Variants in ADAMTSL1 observed in about 807,000 individuals in gnomAD.
ADAMTSL1 encodes ADAMTS-like protein 1.
In ADAMTSL1, 126 loss-of-function variants were observed where a neutral mutation model predicts 201.8. That is an observed-to-expected ratio of 0.62 (90% CI 0.54 to 0.72). The LOEUF (loss-of-function observed/expected upper bound fraction) is 0.72. ADAMTSL1 is among the 30% of genes least tolerant of loss of function. The probability of loss-of-function intolerance (pLI) is 0.00; values close to 1 mark genes in which losing one functional copy is unlikely to be tolerated. For synonymous variants in ADAMTSL1, 1,121 were observed against 903.4 expected (o/e 1.24, Z -4.32); for missense variants, 2,679 against 2,277.8 (o/e 1.18, Z -3.59).
At chr9:18,136,741 C>T (rs1359858143) in intron 1 of ADAMTSL1, among the ~76,000 whole-genome samples, 2 of 152,084 alleles carry the variant, frequency 1.3e-5, no homozygotes, top group Non-Finnish European at 2.9e-5. Context: ...ATTTGGGCAG[C>T]AGCTGGGGTT....
intron 2 of ADAMTSL1, among the ~76,000 whole-genome samples, chr9:18,512,743 A>G (rs1201139758): frequency 7.2e-5 from 11 of 152,132 alleles, no homozygotes; most frequent in African/African-American, 2.4e-4. Flanking sequence ...TTTTATATGT[A>G]TTGTTATTTT....
intron 2 of ADAMTSL1, among the ~76,000 whole-genome samples, chr9:18,201,653 A>G (rs1348230390): frequency 6.6e-6 from 1 of 152,122 alleles, no homozygotes; most frequent in Non-Finnish European, 1.5e-5. Flanking sequence ...TAAATATAAA[A>G]CTAATAAAAG....
intron 2 of ADAMTSL1, among the ~76,000 whole-genome samples, chr9:18,247,432 T>C (rs1472708423): frequency 6.6e-6 from 1 of 152,200 alleles, no homozygotes; most frequent in Non-Finnish European, 1.5e-5. Context: ...TATTCAGAGC[T>C]AATGTTCCAG....
intron 19 of ADAMTSL1, among the ~76,000 whole-genome samples, chr9:18,780,563 T>C (rs1821336924): frequency 6.6e-6 from 1 of 152,136 alleles, no homozygotes; most frequent in South Asian, 2.1e-4. Context: ...ATAAAACAAT[T>C]CAAATATCTA....
intron 10 of ADAMTSL1, among the ~76,000 whole-genome samples, chr9:18,677,949 G>C (rs925608732): frequency 6.6e-6 from 1 of 151,930 alleles, no homozygotes; most frequent in Non-Finnish European, 1.5e-5. Flanking sequence ...GCTCAAAAAT[G>C]GTTCTCAAAT....
intron 26 of ADAMTSL1, among the ~76,000 whole-genome samples, chr9:18,895,835 C>A (rs897311323): frequency 6.6e-6 from 1 of 151,994 alleles, no homozygotes; most frequent in Non-Finnish European, 1.5e-5. Context: ...ACAAGCCATA[C>A]AAAGAAATGG....
At chr9:18,848,867 G>A (rs191536903) in intron 23 of ADAMTSL1, among the ~76,000 whole-genome samples, 1 of 152,216 alleles carries the variant, frequency 6.6e-6, no homozygotes, top group African/African-American at 2.4e-5. Flanking sequence ...ACAGAAACAG[G>A]ACTGGATTTT....
At chr9:18,665,113 A>G (rs567752509) in intron 9 of ADAMTSL1, among the ~76,000 whole-genome samples, 1 of 152,172 alleles carries the variant, frequency 6.6e-6, no homozygotes, top group East Asian at 1.9e-4. Context: ...CTAAGATTGC[A>G]AGGTAAGCTG....
chr9:18,657,519 G>A (rs2132980683), intron 7 of ADAMTSL1, 120 bp from the exon 8 acceptor site: 2 of 683,684 alleles, frequency 2.9e-6, no homozygotes, highest in Non-Finnish European at 2.6e-6. Flanking sequence ...TTCTCCCGCA[G>A]TGCAGTCCCT....
At chr9:18,243,987 A>G (rs1466853608) in intron 2 of ADAMTSL1, among the ~76,000 whole-genome samples, 1 of 152,032 alleles carries the variant, frequency 6.6e-6, no homozygotes, top group African/African-American at 2.4e-5. Context: ...TATGCATCCA[A>G]CCTCTGATAT....
intron 2 of ADAMTSL1, among the ~76,000 whole-genome samples, chr9:18,307,456 G>A (rs781665438): frequency 1.5e-4 from 23 of 152,074 alleles, no homozygotes; most frequent in South Asian, 1.0e-3. Flanking sequence ...CCCATCTCAC[G>A]TGCAAAGACA....
At chr9:18,156,021 G>A (rs1024699208) in intron 1 of ADAMTSL1, among the ~76,000 whole-genome samples, 2 of 152,006 alleles carry the variant, frequency 1.3e-5, no homozygotes, top group Non-Finnish European at 2.9e-5. Flanking sequence ...GGGTTGGAGA[G>A]GAAGAGTCTC....
At chr9:18,397,457 G>A (rs1817801217) in intron 2 of ADAMTSL1, among the ~76,000 whole-genome samples, 1 of 152,072 alleles carries the variant, frequency 6.6e-6, no homozygotes, top group Admixed American at 6.5e-5. Flanking sequence ...TCTAATAATA[G>A]ACTTGCAATT....
At chr9:18,662,284 C>G (rs145178068) in intron 9 of ADAMTSL1, among the ~76,000 whole-genome samples, 4,179 of 152,216 alleles carry the variant, frequency 0.027, 78 homozygotes, top group Middle Eastern at 0.058. Flanking sequence ...CTACAGACTC[C>G]CCTTTTATAA....
At chr9:18,434,029 G>A (rs190713578) in intron 2 of ADAMTSL1, among the ~76,000 whole-genome samples, 1 of 152,282 alleles carries the variant, frequency 6.6e-6, no homozygotes, top group East Asian at 1.9e-4. Flanking sequence ...ATCTAGCCAG[G>A]AGATGCTGAA....
At chr9:17,926,500 A>G (rs1055286965) in intron 1 of ADAMTSL1, among the ~76,000 whole-genome samples, 2 of 152,130 alleles carry the variant, frequency 1.3e-5, no homozygotes, top group African/African-American at 4.8e-5. Context: ...TTCCATAGCC[A>G]CCCAGGAAGG....
rs571816779 is a variant in ADAMTSL1 at position 18,155,409 on chromosome 9, G to C, written c.88-8453G>C. On this transcript the variant is annotated intron_variant, in intron 1 of 29. Transcript: ENST00000680146. Reference sequence around the variant, plus strand: ...TGATGATGGAGATAAAGTCAGAGCTGTCTGTCACCCACTAGTTCTGATCAT... The same window carrying C: ...TGATGATGGAGATAAAGTCAGAGCTCTCTGTCACCCACTAGTTCTGATCAT... Among the ~76,000 whole-genome samples, 10 of 152,132 alleles carry C rather than the reference G, an allele frequency of 6.6e-5. No homozygotes were observed. The South Asian group carries it at 1.2e-3, about 19-fold the overall frequency.
chr9:18,218,667 T>C (rs192779876), intron 2 of ADAMTSL1, among the ~76,000 whole-genome samples: 2 of 152,242 alleles, frequency 1.3e-5, no homozygotes, highest in Admixed American at 1.3e-4. Flanking sequence ...ATTCTAGACA[T>C]TAATCATTCA....
intron 2 of ADAMTSL1, among the ~76,000 whole-genome samples, chr9:18,218,234 G>A (rs951540563): frequency 1.3e-5 from 2 of 152,048 alleles, no homozygotes; most frequent in Admixed American, 6.6e-5. Context: ...ATATCCAACT[G>A]TATAGAAAAT....
Sources: gnomAD v4.1 joint callset for allele counts (sites outside exome capture counted in the v4.1 genomes callset) on GRCh38, gnomAD v4.1.1 for gene constraint, MANE v1.5 for transcripts, NCBI Gene and HGNC (gene_info 2026-07-23, HGNC 2026-07-21) for gene names.